Variants in CARMIL3 observed in about 807,000 individuals in gnomAD.
The protein encoded by CARMIL3 is capping protein, Arp2/3 and myosin-I linker protein 3.
In CARMIL3, 88 loss-of-function variants were observed where a neutral mutation model predicts 180.8. The observed-to-expected ratio is 0.49, with a 90% CI of 0.41 to 0.58. The LOEUF is 0.58. CARMIL3 is among the 20% of genes least tolerant of loss of function. The probability of loss-of-function intolerance (pLI) is 0.00; values close to 1 mark genes in which losing one functional copy is unlikely to be tolerated. For missense variants in CARMIL3, 1,548 were observed against 1,787.0 expected (o/e 0.87, Z 2.41); for synonymous variants, 696 against 714.5 (o/e 0.97, Z 0.41).
chr14:24,052,026 C>G lies in CARMIL3; in HGVS notation c.-128C>G, dbSNP rs1320067524. ...GAGCGCTCAAGCAGCCGCCCCTGAC[C>G]GGAGCGGGCTCGGCCGCTGCTGCAG... On this transcript the variant is annotated 5_prime_UTR_variant, in exon 1 of 40. Coordinates refer to ENST00000342740, the MANE Select transcript of CARMIL3 (RefSeq NM_138360.4). 4.5e-6 allele frequency: 4 copies of G among 893,618 alleles called. No homozygotes were observed. Among genetic ancestry groups the G allele is most frequent in the South Asian group, 2.5e-5 (1 of 40,622 alleles). 55.4% of individuals were successfully genotyped at this position (893,618 alleles called of 1,614,324 possible). A position where few individuals can be genotyped will look rare whatever the true frequency, so the allele number is the denominator to read the frequency against.
Position 24,068,815 on chromosome 14 carries a change from TC to T in CARMIL3, c.3834del (p.Lys1279SerfsTer35), listed in dbSNP as rs2035821367. Reference protein sequence around the residue: ...LQDPALAPWPPKPVAVPRGRQ... With the variant: ...LQDPALAPWPXKPVAVPRGRQ... ...AGGACCCCGCTCTAGCTCCATGGCC[TC>T]CCAAGCCAGTGGCTGTGCCCAGGGG... is the stretch of plus-strand genomic sequence containing the variant. On this transcript the variant is annotated frameshift_variant, in exon 38 of 40. Coordinates refer to ENST00000342740, the MANE Select transcript of CARMIL3 (RefSeq NM_138360.4). LOFTEE classifies it high-confidence loss of function. 6.2e-7 allele frequency: 1 copy of T among 1,613,558 alleles called. No individual in the cohort carries two copies. Among genetic ancestry groups the T allele is most frequent in the African/African-American group, 1.3e-5 (1 of 74,880 alleles).
At chr14:24,069,112 A>AG in intron 38 of CARMIL3, 25 bp from the exon 39 acceptor site, 1 of 1,613,044 alleles carries the variant, frequency 6.2e-7, no homozygotes, top group Non-Finnish European at 8.5e-7. Flanking sequence ...CTCCTGTGTT[A>AG]GGCCTGCCTT....
Position 24,068,663 on chromosome 14 carries a change from C to CCT in CARMIL3, c.3765_3766dup (p.Phe1256SerfsTer19). On this transcript the variant is annotated frameshift_variant, in exon 37 of 40. Transcript: ENST00000342740. LOFTEE classifies it high-confidence loss of function. ...ATGGGGAAGAGGAGAAGGAGGGGACCCTCTTCCCAGAGAGGACACTTCCAG... is the reference window on the plus strand; with the variant it reads ...ATGGGGAAGAGGAGAAGGAGGGGACCCTCTCTTCCCAGAGAGGACACTTCCAG... The CCT allele has an allele frequency of 1.2e-6, 2 of 1,613,844 alleles. No homozygotes were observed. The highest frequency in any genetic ancestry group is 1.7e-6 in the Non-Finnish European group (2 of 1,179,898).
intron 24 of CARMIL3, 86 bp downstream of exon 24, chr14:24,060,341 G>A: frequency 6.9e-7 from 1 of 1,441,456 alleles, no homozygotes; most frequent in Non-Finnish European, 9.7e-7. Flanking sequence ...GGGGGAGCAT[G>A]AAGAGGCACT....
chr14:24,066,180 A>C (rs959000185), intron 34 of CARMIL3, among the ~76,000 whole-genome samples: 4 of 152,208 alleles, frequency 2.6e-5, no homozygotes, highest in African/African-American at 9.7e-5. Context: ...TACATGTAAA[A>C]TACATATGTA....
chr14:24,064,498 C>A, intron 32 of CARMIL3, 152 bp downstream of exon 32: 1 of 658,198 alleles, frequency 1.5e-6, no homozygotes, highest in East Asian at 2.8e-5. Flanking sequence ...CCTTCCCCAC[C>A]CAGCCCTCAG....
At chr14:24,064,471 T>C (rs1281038423) in intron 32 of CARMIL3, 125 bp downstream of exon 32, 16 of 719,892 alleles carry the variant, frequency 2.2e-5, no homozygotes, top group Non-Finnish European at 3.4e-5. Flanking sequence ...CTGTGAGAAA[T>C]TTCCCCACAT....
At chr14:24,055,205 G>T (rs1164094463) in intron 7 of CARMIL3, 32 bp from the exon 8 acceptor site, 3 of 1,613,930 alleles carry the variant, frequency 1.9e-6, no homozygotes, top group Non-Finnish European at 2.5e-6. Flanking sequence ...AGGAAGTGGG[G>T]AGCAGGTGTG....
chr14:24,069,261 G>A lies in CARMIL3; in HGVS notation c.4093+14G>A. On this transcript the variant is annotated intron_variant, in intron 39 of 39. Transcript: ENST00000342740. ...CTGACCCCACAGGTGCTGGTGGTGA[G>A]AGGGCAGGTCCCCCCTTCCCACCTA... 1.2e-6 allele frequency: 2 copies of A among 1,613,866 alleles called. No individual in the cohort carries two copies. Among genetic ancestry groups the A allele is most frequent in the Middle Eastern group, 1.7e-4 (1 of 6,060 alleles).
At chr14:24,068,452 C>T (rs957792677) in intron 36 of CARMIL3, 132 bp from the exon 37 acceptor site, 6 of 647,254 alleles carry the variant, frequency 9.3e-6, no homozygotes, top group South Asian at 2.5e-5. Context: ...ACATGAAAGG[C>T]AGAGACATAG....
In CARMIL3 at chr14:24,068,790, A is replaced by G; in HGVS notation, c.3806A>G (p.Gln1269Arg). 1 of 1,614,030 alleles carries G rather than the reference A, an allele frequency of 6.2e-7. No homozygotes were observed. Among genetic ancestry groups the G allele is most frequent in the South Asian group, 1.1e-5 (1 of 91,086 alleles). ...GCATCTTCCTTCCTCTGCCAGCTACAGGACCCCGCTCTAGCTCCATGGCCT... is the reference window on the plus strand; with the variant it reads ...GCATCTTCCTTCCTCTGCCAGCTACGGGACCCCGCTCTAGCTCCATGGCCT... ...RTLPARNAKL[Q>R]DPALAPWPPK... Residue 1269 changes from glutamine (Q) to arginine (R), a missense_variant, in exon 38 of 40, where the codon CAG (glutamine) becomes CGG (arginine). By Grantham distance (43) the Gln-to-Arg change is conservative. Transcript: ENST00000342740.
chr14:24,064,175 T>C, intron 31 of CARMIL3, 71 bp from the exon 32 acceptor site: 1 of 978,606 alleles, frequency 1.0e-6, no homozygotes, highest in Non-Finnish European at 1.6e-6. Flanking sequence ...CAAAGGGGAA[T>C]GCTCTGAGTG....
intron 31 of CARMIL3, among the ~76,000 whole-genome samples, chr14:24,063,877 C>T (rs1342903298): frequency 4.1e-5 from 6 of 147,348 alleles, no homozygotes; most frequent in Admixed American, 1.3e-4. Flanking sequence ...GGGCAGATCA[C>T]GAGGTCAAGA....
rs752185036 is a variant in CARMIL3, at chr14:24,056,323, G to T, written c.795G>T (p.Gly265=). The change falls in exon 11 of 40, where the codon GGG becomes GGT. Residue 265 remains glycine, a synonymous_variant. Coordinates refer to ENST00000342740, the MANE Select transcript of CARMIL3 (RefSeq NM_138360.4). The part of the protein sequence containing the change: ...LKTDFVQKLA[G]VFGENGSCVL... ...GGGACTTTGTCCAGAAGCTGGCCGGGGTGTTTGGGGAGAACGGGAGCTGTG... is the reference window on the plus strand; with the variant it reads ...GGGACTTTGTCCAGAAGCTGGCCGGTGTGTTTGGGGAGAACGGGAGCTGTG... The T allele has an allele frequency of 1.2e-6, 2 of 1,613,994 alleles. No individual in the cohort carries two copies. Among genetic ancestry groups the T allele is most frequent in the South Asian group, 2.2e-5 (2 of 91,074 alleles).
In CARMIL3 at chr14:24,061,968, G is replaced by C. The variant is rs1446670777; in HGVS notation, c.2480+296G>C. ...GGGCCTCCTCGGAGGCATGGACAAA[G>C]AAAAGTACCTGAGTTGGGTGCATGG... is the stretch of plus-strand genomic sequence containing the variant. On this transcript the variant is annotated intron_variant, in intron 27 of 39. Transcript: ENST00000342740. This position sits in a 1 kb window ranked among gnomAD's most constrained non-coding sequence, Gnocchi z 4.1. 5.3e-6 allele frequency: 2 copies of C among 378,450 alleles called. No individual in the cohort carries two copies. The highest frequency in any genetic ancestry group is 4.1e-5 in the African/African-American group (2 of 48,560). 23.4% of individuals were successfully genotyped at this position (378,450 alleles called of 1,614,324 possible). A position where few individuals can be genotyped will look rare whatever the true frequency, so the allele number is the denominator to read the frequency against.
Position 24,052,049 on chromosome 14 carries a change from C to CAGCGCTCAGCGCCCGGGCCCTGCTGA in CARMIL3, c.-101_-76dup, listed in dbSNP as rs2035620656. The stretch of plus-strand genomic sequence containing the variant: ...ACCGGAGCGGGCTCGGCCGCTGCTG[C>CAGCGCTCAGCGCCCGGGCCCTGCTGA]AGCGCTCAGCGCCCGGGCCCTGCTG... On this transcript the variant is annotated 5_prime_UTR_variant, in exon 1 of 40. Coordinates refer to ENST00000342740, the MANE Select transcript of CARMIL3 (RefSeq NM_138360.4). 3 of 1,197,294 alleles carry CAGCGCTCAGCGCCCGGGCCCTGCTGA rather than the reference C, an allele frequency of 2.5e-6. No homozygotes were observed. Among genetic ancestry groups the CAGCGCTCAGCGCCCGGGCCCTGCTGA allele is most frequent in the Non-Finnish European group, 3.3e-6 (3 of 905,688 alleles). The allele number at this position is 1,197,294 out of a possible 1,614,324, so 74.2% of individuals were successfully genotyped here. A position where few individuals can be genotyped will look rare whatever the true frequency, so the allele number is the denominator to read the frequency against.
rs965159915 is a variant in CARMIL3 at position 24,055,451 on chromosome 14, C to T, written c.606-92C>T. The T allele has an allele frequency of 2.6e-6, 4 of 1,529,566 alleles. No individual in the cohort carries two copies. The African/African-American group carries it at 5.5e-5, about 21-fold the overall frequency. The allele number at this position is 1,529,566 out of a possible 1,614,324, so 94.7% of individuals were successfully genotyped here. ...CCCATCCCCATCTACCCATTTAGGC[C>T]TTCCCCAGCCCAACCACCCTATCCT... On this transcript the variant is annotated intron_variant, in intron 8 of 39. Coordinates refer to ENST00000342740, the MANE Select transcript of CARMIL3 (RefSeq NM_138360.4).
chr14:24,067,241 AG>A (rs1231827420), intron 36 of CARMIL3, among the ~76,000 whole-genome samples: 1 of 152,236 alleles, frequency 6.6e-6, no homozygotes, highest in Non-Finnish European at 1.5e-5. Flanking sequence ...AGTAAAAGGG[AG>A]GGGATTATCC....
intron 34 of CARMIL3, 115 bp from the exon 35 acceptor site, chr14:24,066,283 G>A (rs2035785728): frequency 4.8e-6 from 6 of 1,263,008 alleles, no homozygotes; most frequent in Non-Finnish European, 6.7e-6. Context: ...AGTTTTAAGT[G>A]TCTAGGGACT....
Sources: allele counts gnomAD v4.1 joint callset (sites outside exome capture counted in the v4.1 genomes callset), GRCh38; gene constraint gnomAD v4.1.1; non-coding constraint Gnocchi (gnomAD v3.1); transcripts MANE v1.5; gene names NCBI Gene and HGNC (gene_info 2026-07-23, HGNC 2026-07-21).